Variants in MACROD2 observed in about 807,000 individuals in gnomAD.
MACROD2 encodes the protein ADP-ribose glycohydrolase MACROD2.
In MACROD2, 36 loss-of-function variants were observed where a neutral mutation model predicts 70.4. The observed-to-expected ratio is 0.51, with a 90% CI of 0.39 to 0.68. The LOEUF (loss-of-function observed/expected upper bound fraction) is 0.68, where lower values mean the gene tolerates loss of function less well. Among genes scored for constraint, MACROD2 ranks in the 30% least tolerant of loss-of-function variants. The probability of loss-of-function intolerance (pLI) is 0.00; values close to 1 mark genes in which losing one functional copy is unlikely to be tolerated. For synonymous variants in MACROD2, 172 were observed against 178.8 expected (o/e 0.96, Z 0.30); for missense variants, 496 against 538.4 (o/e 0.92, Z 0.78).
At chr20:15,407,779 CATA>C (rs2046023738) in intron 6 of MACROD2, among the ~76,000 whole-genome samples, 2 of 152,334 alleles carry the variant, frequency 1.3e-5, no homozygotes, top group African/African-American at 4.8e-5. Context: ...CTGCCTATCA[CATA>C]ATAAGTGCTC....
chr20:15,746,629 G>C (rs1487068048), intron 8 of MACROD2, among the ~76,000 whole-genome samples: 1 of 150,968 alleles, frequency 6.6e-6, no homozygotes, highest in Non-Finnish European at 1.5e-5. Flanking sequence ...AATTAGGGAT[G>C]ATATTTGCTC....
rs189262968 is a variant in MACROD2, at chr20:14,835,378, A to T, written c.418+150419A>T. 2.1e-3 allele frequency among the ~76,000 whole-genome samples: 314 copies of T among 152,214 alleles called. 4 individuals carry two copies. The highest frequency in any genetic ancestry group is 7.4e-3 in the African/African-American group (306 of 41,522). Reference sequence around the variant, plus strand: ...CAGGATTCTATTTAATATATCAGATAGTCAGTAAGGTCTAAGAGAGGCAAC... The same window carrying T: ...CAGGATTCTATTTAATATATCAGATTGTCAGTAAGGTCTAAGAGAGGCAAC... On this transcript the variant is annotated intron_variant, in intron 5 of 17. Coordinates refer to ENST00000684519, the MANE Select transcript of MACROD2 (RefSeq NM_001351661.2).
chr20:14,143,506 A>G (rs1242575158), intron 3 of MACROD2, among the ~76,000 whole-genome samples: 4 of 152,174 alleles, frequency 2.6e-5, no homozygotes, highest in Admixed American at 2.6e-4. Flanking sequence ...GGAAATGGTT[A>G]CAAAATCTTC....
At chr20:14,271,966 C>A (rs961732785) in intron 3 of MACROD2, among the ~76,000 whole-genome samples, 2 of 152,118 alleles carry the variant, frequency 1.3e-5, no homozygotes, top group South Asian at 4.1e-4. Context: ...AAGAAACGAA[C>A]AAAGCCTCCA....
intron 8 of MACROD2, among the ~76,000 whole-genome samples, chr20:15,840,876 C>T (rs529992488): frequency 5.9e-5 from 9 of 152,212 alleles, no homozygotes; most frequent in South Asian, 2.1e-4. Flanking sequence ...TAAGAATCCC[C>T]GCGCACTAAG....
chr20:14,145,341 A>G (rs1227919188), intron 3 of MACROD2, among the ~76,000 whole-genome samples: 1 of 152,222 alleles, frequency 6.6e-6, no homozygotes, highest in Non-Finnish European at 1.5e-5. Flanking sequence ...AGGTATAAAT[A>G]AATGTTAGTT....
chr20:14,350,211 G>A (rs2083109712), intron 3 of MACROD2, among the ~76,000 whole-genome samples: 1 of 152,102 alleles, frequency 6.6e-6, no homozygotes, highest in Non-Finnish European at 1.5e-5. Context: ...TATTTCTTCA[G>A]TATACTGATT....
chr20:15,553,585 A>AT (rs2048126456), intron 8 of MACROD2, among the ~76,000 whole-genome samples: 1 of 151,914 alleles, frequency 6.6e-6, no homozygotes, highest in South Asian at 2.1e-4. Context: ...TGCCCAGCTA[A>AT]TTTTTGTAAT....
chr20:15,186,118 T>C (rs1201215934), intron 5 of MACROD2, among the ~76,000 whole-genome samples: 1 of 152,158 alleles, frequency 6.6e-6, no homozygotes, highest in East Asian at 1.9e-4. Flanking sequence ...AAACACCTTT[T>C]TTTTCTGGAG....
intron 15 of MACROD2, among the ~76,000 whole-genome samples, chr20:16,008,050 G>A (rs540533989): frequency 1.1e-4 from 17 of 152,238 alleles, no homozygotes; most frequent in African/African-American, 3.6e-4. Flanking sequence ...ACTATCTTTC[G>A]CAGGAGTTCT....
chr20:15,081,948 A>T (rs2075706798), intron 5 of MACROD2, among the ~76,000 whole-genome samples: 1 of 152,214 alleles, frequency 6.6e-6, no homozygotes, highest in African/African-American at 2.4e-5. Flanking sequence ...TTGTGCTGGA[A>T]TGGGACATAG....
At chr20:15,682,458 G>T (rs2050172924) in intron 8 of MACROD2, among the ~76,000 whole-genome samples, 1 of 152,132 alleles carries the variant, frequency 6.6e-6, no homozygotes, top group African/African-American at 2.4e-5. Flanking sequence ...TTAATATAAG[G>T]CATTACTCAA....
chr20:15,027,415 C>A (rs1002762116), intron 5 of MACROD2, among the ~76,000 whole-genome samples: 7 of 151,984 alleles, frequency 4.6e-5, no homozygotes, highest in African/African-American at 1.7e-4. Context: ...ATCACTGTGG[C>A]GATATGAGTG....
At chr20:15,565,008 G>A (rs2048292466) in intron 8 of MACROD2, among the ~76,000 whole-genome samples, 1 of 151,972 alleles carries the variant, frequency 6.6e-6, no homozygotes, top group African/African-American at 2.4e-5. Flanking sequence ...AAATGTACTG[G>A]ATCCATTGCA....
At chr20:15,367,261 T>G (rs546106218) in intron 6 of MACROD2, among the ~76,000 whole-genome samples, 35 of 152,038 alleles carry the variant, frequency 2.3e-4, no homozygotes, top group African/African-American at 8.4e-4. Context: ...CTCCTGACCT[T>G]GTGATCCGCC....
At chr20:15,152,936 T>C (rs934596219) in intron 5 of MACROD2, among the ~76,000 whole-genome samples, 6 of 151,850 alleles carry the variant, frequency 4.0e-5, no homozygotes, top group Non-Finnish European at 7.4e-5. Flanking sequence ...GGTGCCAAGA[T>C]TGAAAGGAGA....
At chr20:14,234,747 T>G (rs1337610722) in intron 3 of MACROD2, among the ~76,000 whole-genome samples, 2 of 152,054 alleles carry the variant, frequency 1.3e-5, no homozygotes, top group Non-Finnish European at 2.9e-5. Flanking sequence ...GCATACAGAC[T>G]TTTGAACCTT....
rs182308507 is a variant in MACROD2 at position 15,515,990 on chromosome 20, C to T, written c.645+16143C>T. On this transcript the variant is annotated intron_variant, in intron 8 of 17. Transcript: ENST00000684519. The stretch of plus-strand genomic sequence containing the variant: ...AGACTTCAGAAAGCTCACCCCCAAG[C>T]CTGAGCTTATGATCTGTTGATCTAT... 1.6e-4 allele frequency among the ~76,000 whole-genome samples: 25 copies of T among 152,298 alleles called. No individual in the cohort carries two copies. In the East Asian group the frequency reaches 3.3e-3, roughly 20 times the overall value.
At chr20:15,172,180 T>C (rs572281898) in intron 5 of MACROD2, among the ~76,000 whole-genome samples, 18 of 152,052 alleles carry the variant, frequency 1.2e-4, no homozygotes, top group African/African-American at 3.9e-4. Context: ...TTACCAGGGA[T>C]CCCAAAATGT....
Sources: allele counts gnomAD v4.1 joint callset (sites outside exome capture counted in the v4.1 genomes callset), GRCh38; gene constraint gnomAD v4.1.1; transcripts MANE v1.5; gene names NCBI Gene and HGNC (gene_info 2026-07-23, HGNC 2026-07-21).